The following CNTNAP2 variants were observed in gnomAD, a reference collection of about 807,000 sequenced individuals.
The protein encoded by CNTNAP2 is contactin associated protein 2.
In CNTNAP2, 98 loss-of-function variants were observed where a neutral mutation model predicts 155.2. The ratio of observed to expected loss-of-function variants is 0.63; its 90% CI spans 0.54 to 0.75. The LOEUF (loss-of-function observed/expected upper bound fraction) is 0.75. CNTNAP2 is among the 30% of genes least tolerant of loss of function. The probability of loss-of-function intolerance (pLI) is 0.00; values close to 1 mark genes in which losing one functional copy is unlikely to be tolerated. For missense variants in CNTNAP2, 1,727 were observed against 1,688.1 expected (o/e 1.02, Z -0.40); for synonymous variants, 651 against 631.2 (o/e 1.03, Z -0.47).
chr7:146,565,338 C>T (rs1563137210), intron 1 of CNTNAP2, among the ~76,000 whole-genome samples: 1 of 152,002 alleles, frequency 6.6e-6, no homozygotes, highest in Non-Finnish European at 1.5e-5. Context: ...AAAATAAGTA[C>T]TCCTCTTTAG....
At chr7:148,075,362 G>T (rs923488673) in intron 15 of CNTNAP2, among the ~76,000 whole-genome samples, 1 of 152,088 alleles carries the variant, frequency 6.6e-6, no homozygotes, top group Non-Finnish European at 1.5e-5. Flanking sequence ...GCTTGAACCC[G>T]GGAGACAGAG....
Position 148,217,543 on chromosome 7 carries a change from A to G in CNTNAP2, c.3247+19A>G. ...CCCACTGGTAAGGACAAGGATACCCAGCCTCTGCCATTTAACATTTGGGCA... is the reference window on the plus strand; with the variant it reads ...CCCACTGGTAAGGACAAGGATACCCGGCCTCTGCCATTTAACATTTGGGCA... On this transcript the variant is annotated intron_variant, in intron 19 of 23. Coordinates refer to ENST00000361727, the MANE Select transcript of CNTNAP2 (RefSeq NM_014141.6). The G allele has an allele frequency of 6.2e-7, 1 of 1,608,838 alleles. No individual in the cohort carries two copies. The highest frequency in any genetic ancestry group is 8.5e-7 in the Non-Finnish European group (1 of 1,175,130).
chr7:146,686,573 A>G (rs1800604647), intron 1 of CNTNAP2, among the ~76,000 whole-genome samples: 1 of 152,182 alleles, frequency 6.6e-6, no homozygotes, highest in East Asian at 1.9e-4. Flanking sequence ...AGATCGAGGC[A>G]CAGATCATCG....
chr7:146,617,480 A>T (rs1585008785), intron 1 of CNTNAP2, among the ~76,000 whole-genome samples: 1 of 152,036 alleles, frequency 6.6e-6, no homozygotes. Context: ...AAATACTTTG[A>T]TTCATAATTC....
intron 14 of CNTNAP2, among the ~76,000 whole-genome samples, chr7:147,938,345 C>T (rs1800652962): frequency 6.6e-6 from 1 of 151,822 alleles, no homozygotes; most frequent in East Asian, 1.9e-4. Flanking sequence ...ATACTAGGAC[C>T]AATTGGATGG....
intron 1 of CNTNAP2, among the ~76,000 whole-genome samples, chr7:146,462,472 T>C (rs1796651263): frequency 6.6e-6 from 1 of 152,204 alleles, no homozygotes; most frequent in Non-Finnish European, 1.5e-5. Context: ...ATCCAGACAC[T>C]GTCTTCCCTT....
chr7:146,753,496 G>C (rs1031821843), intron 1 of CNTNAP2, among the ~76,000 whole-genome samples: 17 of 151,868 alleles, frequency 1.1e-4, no homozygotes, highest in African/African-American at 4.1e-4. Context: ...TAACATGTGA[G>C]TCAATAAGAA....
At chr7:148,095,455 A>G (rs1198329131) in intron 15 of CNTNAP2, among the ~76,000 whole-genome samples, 1 of 152,250 alleles carries the variant, frequency 6.6e-6, no homozygotes, top group Non-Finnish European at 1.5e-5. Context: ...GGCTTCTAAT[A>G]AGCAGTCTGA....
In CNTNAP2 at chr7:146,249,345, T is replaced by C. The variant is rs146333061; in HGVS notation, c.97+132372T>C. Among the ~76,000 whole-genome samples, 1,134 of 152,306 alleles carry C rather than the reference T, an allele frequency of 7.4e-3. 15 individuals are homozygous for C. The highest frequency in any genetic ancestry group is 0.025 in the African/African-American group (1,038 of 41,550). ...TGGAAAAGAATTTTTCTAGCTCCATTGCTAAAAAAATTCTTCAAATTCAAA... is the reference window on the plus strand; with the variant it reads ...TGGAAAAGAATTTTTCTAGCTCCATCGCTAAAAAAATTCTTCAAATTCAAA... On this transcript the variant is annotated intron_variant, in intron 1 of 23. Coordinates refer to ENST00000361727, the MANE Select transcript of CNTNAP2 (RefSeq NM_014141.6).
chr7:146,977,335 A>G (rs189621928), intron 3 of CNTNAP2, among the ~76,000 whole-genome samples: 1 of 152,318 alleles, frequency 6.6e-6, no homozygotes, highest in Admixed American at 6.5e-5. Flanking sequence ...ATATGTGCAT[A>G]GATGGACTTC....
At chr7:147,051,751 C>T in intron 4 of CNTNAP2, among the ~76,000 whole-genome samples, 1 of 151,832 alleles carries the variant, frequency 6.6e-6, no homozygotes, top group South Asian at 2.1e-4. Context: ...ATTTGTTAAT[C>T]TTATTAATAT....
chr7:146,800,753 A>G (rs1013359138), intron 2 of CNTNAP2, among the ~76,000 whole-genome samples: 8 of 152,174 alleles, frequency 5.3e-5, no homozygotes, highest in South Asian at 2.1e-4. Flanking sequence ...ACTATATTCA[A>G]TTATTTCAAA....
At chr7:148,231,086 A>G (rs879578074) in intron 20 of CNTNAP2, among the ~76,000 whole-genome samples, 1 of 152,226 alleles carries the variant, frequency 6.6e-6, no homozygotes, top group African/African-American at 2.4e-5. Context: ...TTGCGAAATA[A>G]TACTAAAACT....
chr7:147,305,796 T>G (rs142794750), intron 9 of CNTNAP2, among the ~76,000 whole-genome samples: 4,130 of 152,262 alleles, frequency 0.027, 88 homozygotes, highest in Non-Finnish European at 0.041. Flanking sequence ...ATTCTGTCAA[T>G]GTTCTGGAGG....
intron 9 of CNTNAP2, among the ~76,000 whole-genome samples, chr7:147,341,316 G>T (rs574106450): frequency 6.6e-6 from 1 of 151,888 alleles, no homozygotes; most frequent in Non-Finnish European, 1.5e-5. Flanking sequence ...GAGGAATAGC[G>T]TTAGGAGAAA....
chr7:146,835,610 CAT>C (rs950116781), intron 2 of CNTNAP2, among the ~76,000 whole-genome samples: 18 of 152,004 alleles, frequency 1.2e-4, no homozygotes, highest in African/African-American at 4.1e-4. Flanking sequence ...AAAAAAATAA[CAT>C]ATAAAAAACA....
intron 10 of CNTNAP2, among the ~76,000 whole-genome samples, chr7:147,402,593 C>T (rs1307815537): frequency 2.0e-5 from 3 of 152,186 alleles, no homozygotes; most frequent in Non-Finnish European, 2.9e-5. Flanking sequence ...TCTCCTAATA[C>T]CTTCGTCTGA....
At chr7:147,136,034 A>T (rs1329842519) in intron 8 of CNTNAP2, among the ~76,000 whole-genome samples, 2 of 151,804 alleles carry the variant, frequency 1.3e-5, no homozygotes, top group African/African-American at 4.8e-5. Flanking sequence ...TAGCAAAAAA[A>T]AAAACCTACC....
intron 2 of CNTNAP2, among the ~76,000 whole-genome samples, chr7:146,832,712 C>T (rs1345700030): frequency 6.6e-6 from 1 of 150,676 alleles, no homozygotes; most frequent in Admixed American, 6.6e-5. Context: ...GAAATATTAC[C>T]TTTTAGCTCA....
Sources: allele counts gnomAD v4.1 joint callset (sites outside exome capture counted in the v4.1 genomes callset), GRCh38; gene constraint gnomAD v4.1.1; transcripts MANE v1.5; gene names NCBI Gene and HGNC (gene_info 2026-07-23, HGNC 2026-07-21).